Variants in GNG4 observed in about 807,000 individuals in gnomAD.
GNG4 encodes G protein subunit gamma 4, also known as guanine nucleotide-binding protein G(I)/G(S)/G(O) subunit gamma-4.
In GNG4, 4 loss-of-function variants were observed where a neutral mutation model predicts 5.8. The observed-to-expected ratio is 0.69, with a 90% CI of 0.34 to 1.57. The LOEUF is 1.57. Ranked by LOEUF, GNG4 falls within the 40% of genes most tolerant of loss-of-function variation. The pLI is 0.06. For synonymous variants in GNG4, 29 were observed against 32.9 expected (o/e 0.88, Z 0.41); for missense variants, 96 against 95.1 (o/e 1.01, Z -0.04).
intron 3 of GNG4, among the ~76,000 whole-genome samples, chr1:235,559,848 T>G (rs375877911): frequency 2.6e-5 from 4 of 152,336 alleles, no homozygotes; most frequent in African/African-American, 9.6e-5. Context: ...GGGAGCTAAA[T>G]CTAAGATGCT....
intron 1 of GNG4, among the ~76,000 whole-genome samples, chr1:235,595,846 A>AATGGAAACAGGTCACGTG (rs957366673): frequency 6.6e-6 from 1 of 152,188 alleles, no homozygotes; most frequent in African/African-American, 2.4e-5. Context: ...ACCTATGCCA[A>AATGGAAACAGGTCACGTG]ATGGAAACAG....
intron 3 of GNG4, among the ~76,000 whole-genome samples, chr1:235,583,072 G>A (rs1687676979): frequency 6.6e-6 from 1 of 152,134 alleles, no homozygotes; most frequent in Admixed American, 6.6e-5. Context: ...GGAGCTTCCT[G>A]GCATCAGGTT....
Position 235,552,229 on chromosome 1 carries a change from C to T in GNG4, c.108G>A (p.Gln36=). 6.2e-7 allele frequency: 1 copy of T among 1,613,918 alleles called. No homozygotes were observed. Among genetic ancestry groups the T allele is most frequent in the Non-Finnish European group, 8.5e-7 (1 of 1,179,872 alleles). The change falls in exon 4 of 4, where the codon CAG becomes CAA. Residue 36 remains glutamine, a synonymous_variant. Coordinates refer to ENST00000391854, the MANE Select transcript of GNG4 (RefSeq NM_001098722.2). ...AGTAGGCCAGGAGGTCCGCAGCTGCCTGGGAGACCTGTGAGGGCACAGAGC... is the reference window on the plus strand; with the variant it reads ...AGTAGGCCAGGAGGTCCGCAGCTGCTTGGGAGACCTGTGAGGGCACAGAGC... The part of the protein sequence containing the change: ...EACMDRVKVS[Q]AAADLLAYCE...
chr1:235,639,647 G>T (rs538351868), intron 1 of GNG4, among the ~76,000 whole-genome samples: 1 of 152,094 alleles, frequency 6.6e-6, no homozygotes, highest in Non-Finnish European at 1.5e-5. Context: ...GGGTTCAGGC[G>T]ATTCTCCTGC....
At chr1:235,616,042 C>G in intron 1 of GNG4, 1 of 357,838 alleles carries the variant, frequency 2.8e-6, no homozygotes, top group South Asian at 2.2e-5. Flanking sequence ...GGCCTCGGCA[C>G]CTGGTGGCCG....
Position 235,561,420 on chromosome 1 carries a change from A to AT in GNG4, c.100-9184dup, listed in dbSNP as rs1182765338. ...GCGCTCTCTCTCTCTATATATATAC[A>AT]TTTTTTTTTTCTAGACGAGTCTTGC... On this transcript the variant is annotated intron_variant, in intron 3 of 3. Coordinates refer to ENST00000391854, the MANE Select transcript of GNG4 (RefSeq NM_001098722.2). 3.9e-3 allele frequency among the ~76,000 whole-genome samples: 581 copies of AT among 147,526 alleles called. 7 individuals carry two copies. The highest frequency in any genetic ancestry group is 0.014 in the African/African-American group (546 of 40,132).
chr1:235,554,487 T>C (rs578174350), intron 3 of GNG4, among the ~76,000 whole-genome samples: 7 of 152,312 alleles, frequency 4.6e-5, no homozygotes, highest in Admixed American at 3.9e-4. Flanking sequence ...TAGGAGCCAC[T>C]GTCCTCTTGG....
At chr1:235,575,599 G>A (rs768518804) in intron 3 of GNG4, among the ~76,000 whole-genome samples, 6 of 152,174 alleles carry the variant, frequency 3.9e-5, no homozygotes, top group Non-Finnish European at 8.8e-5. Flanking sequence ...CCCACCCCAC[G>A]GATGTTGAAA....
chr1:235,601,057 G>A (rs1057402316), intron 1 of GNG4, among the ~76,000 whole-genome samples: 1 of 152,210 alleles, frequency 6.6e-6, no homozygotes, highest in Non-Finnish European at 1.5e-5. Flanking sequence ...TTCTTAAATG[G>A]AGCTAAATTA....
intron 3 of GNG4, among the ~76,000 whole-genome samples, chr1:235,561,916 T>C (rs1354566563): frequency 2.0e-5 from 3 of 152,262 alleles, no homozygotes; most frequent in African/African-American, 7.2e-5. Flanking sequence ...TCCTATGTCA[T>C]CTTCTAGAAG....
At chr1:235,646,377 C>T (rs966538103) in intron 1 of GNG4, among the ~76,000 whole-genome samples, 4 of 152,212 alleles carry the variant, frequency 2.6e-5, no homozygotes, top group Non-Finnish European at 5.9e-5. Flanking sequence ...AAACCCGCTG[C>T]CAGAACACTC....
chr1:235,641,861 T>C (rs1454485728), intron 1 of GNG4, among the ~76,000 whole-genome samples: 1 of 152,130 alleles, frequency 6.6e-6, no homozygotes, highest in African/African-American at 2.4e-5. Flanking sequence ...CGGAATTCCC[T>C]ACCTCCCAGC....
intron 3 of GNG4, among the ~76,000 whole-genome samples, chr1:235,571,591 T>C (rs965065145): frequency 3.3e-5 from 5 of 152,194 alleles, no homozygotes; most frequent in African/African-American, 1.2e-4. Context: ...TAAATTGGTA[T>C]CCCTTTCTAT....
At chr1:235,643,989 T>C (rs1450759422) in intron 1 of GNG4, among the ~76,000 whole-genome samples, 1 of 152,086 alleles carries the variant, frequency 6.6e-6, no homozygotes, top group Non-Finnish European at 1.5e-5. Context: ...GCACACTTGC[T>C]GCAGTGTTCA....
chr1:235,575,642 T>A (rs1382711803), intron 3 of GNG4, among the ~76,000 whole-genome samples: 2 of 152,256 alleles, frequency 1.3e-5, no homozygotes, highest in Non-Finnish European at 2.9e-5. Context: ...CTGGGCAGAA[T>A]GTTCCTTGGC....
intron 3 of GNG4, chr1:235,565,962 G>A (rs567014592): frequency 6.6e-6 from 1 of 152,188 alleles, no homozygotes; most frequent in Non-Finnish European, 1.5e-5. Context: ...GAGTAAGAAA[G>A]TTGTCTGATA....
intron 1 of GNG4, among the ~76,000 whole-genome samples, chr1:235,638,752 GAT>G (rs1219934786): frequency 1.3e-5 from 2 of 152,056 alleles, no homozygotes; most frequent in African/African-American, 4.8e-5. Context: ...GAGAACATGC[GAT>G]GTTTGGTTTT....
At chr1:235,623,997 C>T (rs998476951) in intron 1 of GNG4, among the ~76,000 whole-genome samples, 11 of 152,170 alleles carry the variant, frequency 7.2e-5, no homozygotes, top group Non-Finnish European at 1.5e-4. Flanking sequence ...GAGGGTCCTC[C>T]GAGCCTTTGC....
chr1:235,613,471 G>A (rs1249146667), intron 1 of GNG4, among the ~76,000 whole-genome samples: 1 of 152,192 alleles, frequency 6.6e-6, no homozygotes, highest in Non-Finnish European at 1.5e-5. Context: ...GATTATCCTA[G>A]TGGACCCTAT....
Sources: allele counts gnomAD v4.1 joint callset (sites outside exome capture counted in the v4.1 genomes callset), GRCh38; gene constraint gnomAD v4.1.1; transcripts MANE v1.5; gene names NCBI Gene and HGNC (gene_info 2026-07-23, HGNC 2026-07-21).